Variants in SLC46A1 observed in about 807,000 individuals in gnomAD.
SLC46A1 encodes the protein proton-coupled folate transporter.
In SLC46A1, 17 loss-of-function variants were observed where a neutral mutation model predicts 32.1. That is an observed-to-expected ratio of 0.53 (90% CI 0.36 to 0.79). The LOEUF is 0.79. Ranked by LOEUF, SLC46A1 falls within the 30% of genes least tolerant of loss-of-function variation. SLC46A1 has a pLI of 0.00. For synonymous variants in SLC46A1, 240 were observed against 262.7 expected, an observed-to-expected ratio of 0.91 and a Z score of 0.84; for missense variants, 517 against 588.2, an observed-to-expected ratio of 0.88 and a Z score of 1.25.
chr17:28,404,882 A>G lies in SLC46A1; in HGVS notation c.815T>C (p.Leu272Pro). 6.2e-7 allele frequency: 1 copy of G among 1,614,072 alleles called. No individual in the cohort carries two copies. The highest frequency in any genetic ancestry group is 8.5e-7 in the Non-Finnish European group (1 of 1,179,902). ...CACAGTGATCACCACGAAGATGGCC[A>G]GTGAGTAGAGGGCTAAATGTTTCCT... ...KSRKHLALYSLAIFVVITVHF... is the reference protein window; with the variant it reads ...KSRKHLALYSPAIFVVITVHF... The change falls in exon 2 of 5, where the codon CTG becomes CCG. Residue 272 changes from leucine to proline, a missense_variant. Leu to Pro is a moderately conservative substitution (Grantham distance 98). Coordinates refer to ENST00000612814, the MANE Select transcript of SLC46A1 (RefSeq NM_080669.6).
chr17:28,396,393 CT>C lies in SLC46A1; in HGVS notation c.*3262del. ...CTGGGCTGAGACAACCTGGGCTCTT[CT>C]TAGGAAATGGCTCTCCCTCCCCCTG... is the stretch of plus-strand genomic sequence containing the variant. On this transcript the variant is annotated 3_prime_UTR_variant, in exon 5 of 5. Transcript: ENST00000612814. The C allele has an allele frequency of 7.3e-7, 1 of 1,371,362 alleles. No individual in the cohort carries two copies. The highest frequency in any genetic ancestry group is 1.0e-6 in the Non-Finnish European group (1 of 987,448). The allele number at this position is 1,371,362 out of a possible 1,614,324, so 84.9% of individuals were successfully genotyped here.
chr17:28,405,205 G>T lies in SLC46A1; in HGVS notation c.492C>A (p.Ser164Arg). The T allele has an allele frequency of 6.2e-7, 1 of 1,601,840 alleles. No homozygotes were observed. Among genetic ancestry groups the T allele is most frequent in the Admixed American group, 1.7e-5 (1 of 57,394 alleles). Residue 164 changes from serine (S) to arginine (R), a missense_variant, in exon 2 of 5, where the codon AGC becomes AGA. Physicochemically the swap from Ser to Arg is moderately radical, Grantham distance 110 (BLOSUM62 -1). Transcript: ENST00000612814. Reference protein sequence around the residue: ...LGDFGGLLAASFASVADVSSS... With the variant: ...LGDFGGLLAARFASVADVSSS... ...AGCTGACATCTGCCACGGACGCAAAGCTAGCAGCCAGAAGGCCACCGAAGT... is the reference window on the plus strand; with the variant it reads ...AGCTGACATCTGCCACGGACGCAAATCTAGCAGCCAGAAGGCCACCGAAGT...
rs201540617 is a variant in SLC46A1 at position 28,404,799 on chromosome 17, C to T, written c.898G>A (p.Asp300Asn). The T allele has an allele frequency of 3.7e-5, 59 of 1,613,872 alleles. No individual in the cohort carries two copies. Among genetic ancestry groups the T allele is most frequent in the Non-Finnish European group, 4.6e-5 (54 of 1,179,898 alleles). Residue 300 changes from aspartate to asparagine, a missense_variant, in exon 2 of 5, where the codon GAC becomes AAC. Transcript: ENST00000612814. ...GAACCATAGCCGATTAGTTTGGAGT[C>T]CCAGCAGAGGGGTGTGCTTAGTTCA... ...LYELSTPLCW[D>N]SKLIGYGSAA...
At chr17:28,405,684 C>T (rs1461024138) in intron 1 of SLC46A1, 1 of 950,804 alleles carries the variant, frequency 1.1e-6, no homozygotes, top group Non-Finnish European at 1.5e-6. Context: ...TGTTAACCTG[C>T]AAGGCCAGAC....
In SLC46A1 at chr17:28,405,414, G is replaced by C. The variant is rs1555591030; in HGVS notation, c.283C>G (p.Leu95Val). 6.3e-7 allele frequency: 1 copy of C among 1,590,594 alleles called. No individual in the cohort carries two copies. Among genetic ancestry groups the C allele is most frequent in the Non-Finnish European group, 8.6e-7 (1 of 1,169,248 alleles). ...WTLYMNVGGF[L>V]VGLFSSTLLG... ...AGGGTGGACGAGAAGAGCCCCACCA[G>C]GAAGCCGCCCACGTTCATGTAGAGG... The change falls in exon 2 of 5, where the codon CTG (leucine) becomes GTG (valine). Residue 95 changes from leucine (L) to valine (V), a missense_variant. Transcript: ENST00000612814.
intron 4 of SLC46A1, chr17:28,400,274 A>G: frequency 3.3e-6 from 1 of 305,076 alleles, no homozygotes; most frequent in Non-Finnish European, 6.2e-6. Flanking sequence ...ACTAGCTGAC[A>G]AAGCTTCCTG....
chr17:28,406,030 C>T lies in SLC46A1; in HGVS notation c.85G>A (p.Val29Ile), dbSNP rs41297067. The change falls in exon 1 of 5, where the codon GTC becomes ATC. Residue 29 changes from valine to isoleucine, a missense_variant. Coordinates refer to ENST00000612814, the MANE Select transcript of SLC46A1 (RefSeq NM_080669.6). This position sits in a 1 kb window ranked among gnomAD's most constrained non-coding sequence, Gnocchi z 4.5. The part of the protein sequence containing the change: ...VLCRGPVEPL[V>I]FLANFALVLQ... ...ACCAAGGCAAAGTTGGCCAGGAAGA[C>T]CAGCGGCTCTACCGGGCCCCGGCAC... 109 of 1,608,574 alleles carry T rather than the reference C, an allele frequency of 6.8e-5. No individual in the cohort carries two copies. The Admixed American group carries it at 1.8e-3, about 27-fold the overall frequency.
chr17:28,405,038 A>G lies in SLC46A1; in HGVS notation c.659T>C (p.Ile220Thr), dbSNP rs1555590672. 1 of 1,614,012 alleles carries G rather than the reference A, an allele frequency of 6.2e-7. No homozygotes were observed. Among genetic ancestry groups the G allele is most frequent in the South Asian group, 1.1e-5 (1 of 91,084 alleles). Residue 220 changes from isoleucine to threonine, a missense_variant, in exon 2 of 5, where the codon ATA (isoleucine) becomes ACA (threonine). Transcript: ENST00000612814. ...NPFWLALALL[I>T]AMTLYAAFCF... is the part of the protein sequence containing the mutation. Reference sequence around the variant, plus strand: ...GAAAGCTGCATAGAGAGTCATGGCTATCAGCAAGGCCAAGGCCAGCCAGAA... The same window carrying G: ...GAAAGCTGCATAGAGAGTCATGGCTGTCAGCAAGGCCAAGGCCAGCCAGAA...
intron 1 of SLC46A1, 121 bp downstream of exon 1, chr17:28,405,766 A>C: frequency 8.5e-7 from 1 of 1,178,944 alleles, no homozygotes. Context: ...CCCGCCCACC[A>C]TCCAAAATGC....
At chr17:28,402,216 A>G in intron 3 of SLC46A1, 22 bp downstream of exon 3, 1 of 1,604,608 alleles carries the variant, frequency 6.2e-7, no homozygotes, top group Non-Finnish European at 8.5e-7. Context: ...GGAACCAGAC[A>G]CAGGTGGGTT....
rs1555591294 is a variant in SLC46A1 at position 28,405,928 on chromosome 17, T to C, written c.187A>G (p.Arg63Gly). ...ADLGYNGTRQ[R>G]GGCSNRSADP... Reference sequence around the variant, plus strand: ...GCGCTGCGGTTGCTGCAGCCCCCCCTTTGGCGGGTGCCATTGTAGCCGAGG... The same window carrying C: ...GCGCTGCGGTTGCTGCAGCCCCCCCCTTGGCGGGTGCCATTGTAGCCGAGG... The change falls in exon 1 of 5, where the codon AGG (arginine) becomes GGG (glycine). Residue 63 changes from arginine (R) to glycine (G), a missense_variant. Arg to Gly is a moderately radical substitution (Grantham distance 125). Transcript: ENST00000612814. 6.2e-7 allele frequency: 1 copy of C among 1,609,684 alleles called. No individual in the cohort carries two copies. Among genetic ancestry groups the C allele is most frequent in the Non-Finnish European group, 8.5e-7 (1 of 1,178,730 alleles).
chr17:28,396,263 G>T lies in SLC46A1; in HGVS notation c.*3393C>A. On this transcript the variant is annotated 3_prime_UTR_variant, in exon 5 of 5. Coordinates refer to ENST00000612814, the MANE Select transcript of SLC46A1 (RefSeq NM_080669.6). ...AGGCTCTGACACCAGTTTGGAGGGT[G>T]CTGCACCCATGGGTCCAACCTAACC... is the stretch of plus-strand genomic sequence containing the variant. 1 of 1,614,006 alleles carries T rather than the reference G, an allele frequency of 6.2e-7. No individual in the cohort carries two copies. Among genetic ancestry groups the T allele is most frequent in the Non-Finnish European group, 8.5e-7 (1 of 1,179,884 alleles).
At position 28,400,432 on chromosome 17, in the gene SLC46A1, T is replaced by C. The variant is rs2068181928; in HGVS notation, c.1322+178A>G. The C allele has an allele frequency of 8.0e-6, 6 of 750,356 alleles. No individual in the cohort carries two copies. In the South Asian group the frequency reaches 1.1e-4, roughly 14 times the overall value. The allele number at this position is 750,356 out of a possible 1,614,324, so 46.5% of individuals were successfully genotyped here. On this transcript the variant is annotated intron_variant, in intron 4 of 4. Coordinates refer to ENST00000612814, the MANE Select transcript of SLC46A1 (RefSeq NM_080669.6). ...TCCACCTAGCTCGCCATCTCGCCCTTGGAAAATGGCTCCTGGAGGATTAGG... is the reference window on the plus strand; with the variant it reads ...TCCACCTAGCTCGCCATCTCGCCCTCGGAAAATGGCTCCTGGAGGATTAGG...
rs1567815004 is a variant in SLC46A1, at chr17:28,399,547, T to A, written c.*109A>T. On this transcript the variant is annotated 3_prime_UTR_variant, in exon 5 of 5. Transcript: ENST00000612814. ...ACCTCGTCCAAAGAGAGCACTGCCC[T>A]TAGACAAGAGTTGCTTGTCCTGCTG... 8.7e-7 allele frequency: 1 copy of A among 1,150,844 alleles called. No homozygotes were observed. The highest frequency in any genetic ancestry group is 1.9e-5 in the Admixed American group (1 of 51,892). The allele number at this position is 1,150,844 out of a possible 1,614,324, so 71.3% of individuals were successfully genotyped here.
chr17:28,396,254 T>C lies in SLC46A1; in HGVS notation c.*3402A>G, dbSNP rs781986662. The C allele has an allele frequency of 7.4e-6, 12 of 1,613,864 alleles. No homozygotes were observed. Among genetic ancestry groups the C allele is most frequent in the Middle Eastern group, 1.6e-4 (1 of 6,080 alleles). ...CTCATCTGCAGGCTCTGACACCAGT[T>C]TGGAGGGTGCTGCACCCATGGGTCC... On this transcript the variant is annotated 3_prime_UTR_variant, in exon 5 of 5. Transcript: ENST00000612814.
chr17:28,399,646 T>C lies in SLC46A1; in HGVS notation c.*10A>G. The C allele has an allele frequency of 6.2e-7, 1 of 1,613,898 alleles. No homozygotes were observed. The highest frequency in any genetic ancestry group is 8.5e-7 in the Non-Finnish European group (1 of 1,179,862). ...GCTCCTCTTGCCCTCTGTCTTCTGG[T>C]CCAGGCAGATCAGGGGCTCTGGGGA... is the stretch of plus-strand genomic sequence containing the variant. On this transcript the variant is annotated 3_prime_UTR_variant, in exon 5 of 5. Coordinates refer to ENST00000612814, the MANE Select transcript of SLC46A1 (RefSeq NM_080669.6).
At chr17:28,399,947 G>T in intron 4 of SLC46A1, 1 of 520,474 alleles carries the variant, frequency 1.9e-6, no homozygotes, top group Non-Finnish European at 3.5e-6. Flanking sequence ...AGGCTGGAGG[G>T]CAGTGACATA....
At chr17:28,406,267 T>A, upstream of SLC46A1, 1 of 562,174 alleles carries the variant, frequency 1.8e-6, no homozygotes, top group Admixed American at 4.5e-5. The surrounding 1 kb of genome is among the most constrained non-coding windows in gnomAD (Gnocchi z 4.5). Context: ...GCCTGTGACC[T>A]GAGGCCACCG....
In SLC46A1 at chr17:28,395,678, A is replaced by C; in HGVS notation, c.*3978T>G. On this transcript the variant is annotated 3_prime_UTR_variant, in exon 5 of 5. Transcript: ENST00000612814. ...AGCATACAAAGACACTCATCACTCA[A>C]GAGATTCCAAGGGTTTTAGCAGCTC... The C allele has an allele frequency of 7.7e-6, 4 of 521,580 alleles. No homozygotes were observed. The highest frequency in any genetic ancestry group is 3.3e-5 in the East Asian group (1 of 30,118). The allele number at this position is 521,580 out of a possible 1,614,324, so 32.3% of individuals were successfully genotyped here.
Sources: gnomAD v4.1 joint callset for allele counts on GRCh38, gnomAD v4.1.1 for gene constraint, Gnocchi (gnomAD v3.1) non-coding constraint, MANE v1.5 for transcripts, NCBI Gene and HGNC (gene_info 2026-07-23, HGNC 2026-07-21) for gene names.